SP100: variants seen among roughly 807,000 people sequenced by gnomAD.
SP100 encodes the protein nuclear autoantigen Sp-100.
A neutral mutation model predicts 130.0 loss-of-function variants in SP100; 84 were observed. The observed-to-expected ratio is 0.65, with a 90% CI of 0.54 to 0.77. The LOEUF (loss-of-function observed/expected upper bound fraction) is 0.77. Ranked by LOEUF, SP100 falls within the 30% of genes least tolerant of loss-of-function variation. The pLI, the probability that SP100 is intolerant of heterozygous loss-of-function variation, is 0.00. For missense variants in SP100, 978 were observed against 1,052.2 expected (o/e 0.93, Z 0.97); for synonymous variants, 331 against 351.7 (o/e 0.94, Z 0.66).
intron 17 of SP100, among the ~76,000 whole-genome samples, chr2:230,491,418 G>A (rs995056921): frequency 2.0e-5 from 3 of 152,226 alleles, no homozygotes; most frequent in Admixed American, 2.0e-4. Context: ...GATGAGTCAG[G>A]GTCAGGCCTG....
chr2:230,423,715 G>T (rs937626499), intron 2 of SP100, among the ~76,000 whole-genome samples: 2 of 152,092 alleles, frequency 1.3e-5, no homozygotes, highest in African/African-American at 4.8e-5. Flanking sequence ...GTTTTCATTG[G>T]ATTTTATTTC....
chr2:230,515,845 G>A (rs1690888280), intron 24 of SP100: 1 of 1,369,852 alleles, frequency 7.3e-7, no homozygotes, highest in Non-Finnish European at 9.4e-7. Context: ...ACTAACCTTT[G>A]CCTGGTACAG....
At chr2:230,428,597 C>A (rs1693235833) in intron 2 of SP100, among the ~76,000 whole-genome samples, 1 of 152,182 alleles carries the variant, frequency 6.6e-6, no homozygotes, top group African/African-American at 2.4e-5. Flanking sequence ...CGCCCGCCAC[C>A]ACACCCAGCT....
At chr2:230,416,363 T>A in intron 1 of SP100, 35 bp downstream of exon 1, 1 of 1,591,680 alleles carries the variant, frequency 6.3e-7, no homozygotes, top group Non-Finnish European at 8.6e-7. Context: ...AACCTTTATC[T>A]CTGGCTATAT....
At chr2:230,500,765 C>G (rs1205042888) in intron 19 of SP100, among the ~76,000 whole-genome samples, 1 of 152,120 alleles carries the variant, frequency 6.6e-6, no homozygotes, top group East Asian at 1.9e-4. Flanking sequence ...CACACAGAAC[C>G]ACCCCTGTGT....
chr2:230,536,451 C>T (rs1691944247), intron 24 of SP100, among the ~76,000 whole-genome samples: 1 of 152,154 alleles, frequency 6.6e-6, no homozygotes, highest in South Asian at 2.1e-4. Flanking sequence ...GAGAGAGTTA[C>T]ATTTGTCTTA....
At chr2:230,451,329 A>T (rs1002868984) in intron 8 of SP100, among the ~76,000 whole-genome samples, 11 of 152,216 alleles carry the variant, frequency 7.2e-5, no homozygotes. Context: ...GATAATAACC[A>T]TTCTAACCAG....
chr2:230,542,186 C>A, intron 28 of SP100, 151 bp downstream of exon 28: 2 of 817,420 alleles, frequency 2.4e-6, no homozygotes, highest in South Asian at 1.7e-5. Context: ...ATCCTAAAAG[C>A]CCTGTAGTGC....
In SP100 at chr2:230,540,867, A is replaced by C; in HGVS notation, c.2211-9A>C. ...CCTGCCATTGCTCACTTTATGCCCCATCTCTCAGGAACCCGTGGAGTTGCA... is the reference window on the plus strand; with the variant it reads ...CCTGCCATTGCTCACTTTATGCCCCCTCTCTCAGGAACCCGTGGAGTTGCA... On this transcript the variant is annotated splice_polypyrimidine_tract_variant and intron_variant, in intron 25 of 28. Coordinates refer to ENST00000340126, the MANE Select transcript of SP100 (RefSeq NM_001080391.2). 1 of 1,609,076 alleles carries C rather than the reference A, an allele frequency of 6.2e-7. No individual in the cohort carries two copies. Among genetic ancestry groups the C allele is most frequent in the Non-Finnish European group, 8.5e-7 (1 of 1,176,818 alleles).
intron 25 of SP100, 85 bp downstream of exon 25, chr2:230,539,467 C>T (rs1692079001): frequency 1.1e-6 from 1 of 878,500 alleles, no homozygotes; most frequent in South Asian, 1.4e-5. Context: ...TGCAGAGTTT[C>T]TGTACCTGGT....
intron 24 of SP100, among the ~76,000 whole-genome samples, chr2:230,522,880 T>C (rs984524063): frequency 6.6e-6 from 1 of 151,872 alleles, no homozygotes; most frequent in Admixed American, 6.6e-5. Flanking sequence ...AGTGGTGCCA[T>C]TTCAGCTCAC....
chr2:230,440,578 A>G (rs1489363776), intron 2 of SP100: 1 of 1,377,528 alleles, frequency 7.3e-7, no homozygotes, highest in Non-Finnish European at 9.5e-7. Flanking sequence ...GGAGAGATAT[A>G]CAATGTTAAC....
chr2:230,440,649 TC>T, intron 2 of SP100: 1 of 1,233,702 alleles, frequency 8.1e-7, no homozygotes, highest in Non-Finnish European at 1.0e-6. Context: ...TCAATTCAAA[TC>T]CAAAAAAAAG....
At chr2:230,463,027 A>G (rs1482426587) in intron 10 of SP100, among the ~76,000 whole-genome samples, 1 of 152,226 alleles carries the variant, frequency 6.6e-6, no homozygotes, top group Admixed American at 6.5e-5. Flanking sequence ...ATTGTTTCTG[A>G]TAGAGTTCTT....
rs2063842965 is a variant in SP100 at position 230,449,127 on chromosome 2, C to T, written c.563C>T (p.Pro188Leu). 1 of 1,613,830 alleles carries T rather than the reference C, an allele frequency of 6.2e-7. No homozygotes were observed. The highest frequency in any genetic ancestry group is 1.3e-5 in the African/African-American group (1 of 75,034). The change falls in exon 6 of 29, where the codon CCT becomes CTT. Residue 188 changes from proline (P) to leucine (L), a missense_variant. Coordinates refer to ENST00000340126, the MANE Select transcript of SP100 (RefSeq NM_001080391.2). ...ENSFRSLTWP[P>L]SGSPSHAGTT... Reference sequence around the variant, plus strand: ...TCTTTTCGAAGCCTGACTTGGCCACCTTCGGGTTCCCCATCTCATGCTGGT... The same window carrying T: ...TCTTTTCGAAGCCTGACTTGGCCACTTTCGGGTTCCCCATCTCATGCTGGT...
At chr2:230,425,336 A>G (rs1436391404) in intron 2 of SP100, among the ~76,000 whole-genome samples, 3 of 149,690 alleles carry the variant, frequency 2.0e-5, no homozygotes, top group African/African-American at 4.9e-5. Flanking sequence ...CTGCTATTTG[A>G]CCCTCTGTTT....
At chr2:230,435,123 A>G (rs1201292960) in intron 2 of SP100, among the ~76,000 whole-genome samples, 1 of 152,236 alleles carries the variant, frequency 6.6e-6, no homozygotes, top group Non-Finnish European at 1.5e-5. Context: ...TCATGCTTAC[A>G]CCAGGGATGA....
chr2:230,431,589 T>C (rs2063101734), intron 2 of SP100, among the ~76,000 whole-genome samples: 1 of 152,176 alleles, frequency 6.6e-6, no homozygotes, highest in Non-Finnish European at 1.5e-5. Flanking sequence ...GCCAGAAACC[T>C]CCTATTCTGC....
chr2:230,499,439 CTT>C (rs1301906096), intron 19 of SP100, among the ~76,000 whole-genome samples: 3 of 37,608 alleles, frequency 8.0e-5, no homozygotes, highest in Admixed American at 1.8e-4. Context: ...ACCTAAAACT[CTT>C]TCTCTGGCCA....
Sources: gnomAD v4.1 joint callset for allele counts (sites outside exome capture counted in the v4.1 genomes callset) on GRCh38, gnomAD v4.1.1 for gene constraint, MANE v1.5 for transcripts, NCBI Gene and HGNC (gene_info 2026-07-23, HGNC 2026-07-21) for gene names.